The following SUMF1 variants were observed in gnomAD, a reference collection of about 807,000 sequenced individuals.
SUMF1 encodes the protein sulfatase modifying factor 1.
A neutral mutation model predicts 47.6 loss-of-function variants in SUMF1; 48 were observed. The observed-to-expected ratio is 1.01, with a 90% CI of 0.80 to 1.28. The LOEUF (loss-of-function observed/expected upper bound fraction) is 1.28. Among genes scored for constraint, SUMF1 ranks in the 50% most tolerant of loss-of-function variants. The pLI is 0.00. For missense variants in SUMF1, 571 were observed against 485.4 expected (o/e 1.18, Z -1.66); for synonymous variants, 230 against 192.1 (o/e 1.20, Z -1.63).
At chr3:4,330,756 T>A (rs1349502112) in intron 8 of SUMF1, among the ~76,000 whole-genome samples, 3 of 152,198 alleles carry the variant, frequency 2.0e-5, no homozygotes, top group Non-Finnish European at 4.4e-5. Context: ...CACAAAAATC[T>A]TTTTAAAAGA....
chr3:4,090,587 T>C (rs11918722), intron 8 of SUMF1, among the ~76,000 whole-genome samples: 22,883 of 152,096 alleles, frequency 0.15, 3,705 homozygotes, highest in African/African-American at 0.39. Flanking sequence ...GTACAGTGAA[T>C]ATACAGATGC....
At chr3:4,224,878 C>T (rs1220678335) in intron 8 of SUMF1, among the ~76,000 whole-genome samples, 1 of 152,080 alleles carries the variant, frequency 6.6e-6, no homozygotes, top group East Asian at 1.9e-4. Context: ...ATTCTCAAGT[C>T]CCTGATCCTA....
At chr3:4,276,342 G>C (rs1036320562) in intron 8 of SUMF1, among the ~76,000 whole-genome samples, 3 of 152,090 alleles carry the variant, frequency 2.0e-5, no homozygotes, top group African/African-American at 7.2e-5. Flanking sequence ...ATGTTTAACT[G>C]ATTTCTCAAA....
At chr3:4,273,117 T>TAC (rs906972791) in intron 8 of SUMF1, among the ~76,000 whole-genome samples, 10 of 148,900 alleles carry the variant, frequency 6.7e-5, no homozygotes, top group Admixed American at 1.4e-4. Context: ...CATATATATA[T>TAC]ACACACACAT....
chr3:4,281,604 C>T (rs1697530511), intron 8 of SUMF1, among the ~76,000 whole-genome samples: 1 of 151,910 alleles, frequency 6.6e-6, no homozygotes, highest in Non-Finnish European at 1.5e-5. Context: ...GAGATGTTTA[C>T]AGTTCAGGGA....
chr3:4,420,232 A>C, intron 3 of SUMF1, 86 bp from the exon 4 acceptor site: 81 of 985,284 alleles, frequency 8.2e-5, no homozygotes, highest in Non-Finnish European at 1.1e-4. Flanking sequence ...CAAAAATCTC[A>C]ATGTCTTCAA....
chr3:4,168,711 T>C (rs1318751043), intron 8 of SUMF1, among the ~76,000 whole-genome samples: 1 of 152,238 alleles, frequency 6.6e-6, no homozygotes, highest in Non-Finnish European at 1.5e-5. Context: ...AGTCATTTCA[T>C]ACTTTATCTC....
At chr3:4,155,913 C>T (rs1008189773) in intron 8 of SUMF1, among the ~76,000 whole-genome samples, 1 of 151,186 alleles carries the variant, frequency 6.6e-6, no homozygotes, top group African/African-American at 2.5e-5. Context: ...TAATCAAACA[C>T]CAAGCTAATC....
At chr3:4,072,668 C>T (rs974999680) in intron 8 of SUMF1, among the ~76,000 whole-genome samples, 3 of 151,996 alleles carry the variant, frequency 2.0e-5, no homozygotes, top group East Asian at 1.9e-4. Flanking sequence ...AAACACAGCA[C>T]GAGAACTTCA....
chr3:4,268,998 A>C (rs770410557), intron 8 of SUMF1, among the ~76,000 whole-genome samples: 1 of 152,140 alleles, frequency 6.6e-6, no homozygotes, highest in African/African-American at 2.4e-5. Flanking sequence ...GGTCTTAAAC[A>C]TATTTTTAAG....
intron 8 of SUMF1, chr3:4,304,009 A>G: frequency 2.6e-6 from 1 of 390,814 alleles, no homozygotes. Flanking sequence ...TCAGCCTTAG[A>G]GTCTTCCAGC....
At chr3:4,276,284 G>T (rs1473911329) in intron 8 of SUMF1, among the ~76,000 whole-genome samples, 2 of 152,128 alleles carry the variant, frequency 1.3e-5, no homozygotes, top group African/African-American at 4.8e-5. Context: ...AGCACATTAT[G>T]AATATGCATG....
intron 8 of SUMF1, among the ~76,000 whole-genome samples, chr3:4,094,929 G>C: frequency 6.6e-6 from 1 of 152,038 alleles, no homozygotes; most frequent in East Asian, 1.9e-4. Context: ...ACTTTGAGGA[G>C]GCATCTCATG....
At chr3:4,054,244 T>C (rs912760216) in intron 9 of SUMF1, among the ~76,000 whole-genome samples, 1 of 152,074 alleles carries the variant, frequency 6.6e-6, no homozygotes, top group Non-Finnish European at 1.5e-5. Flanking sequence ...AACACAAAGC[T>C]CTAGTATGGC....
intron 1 of SUMF1, among the ~76,000 whole-genome samples, chr3:4,460,004 G>A (rs956688603): frequency 1.3e-5 from 2 of 152,048 alleles, no homozygotes; most frequent in African/African-American, 2.4e-5. Flanking sequence ...CAATAAAATG[G>A]AAAATTAAGC....
At chr3:4,211,690 T>C (rs962066471) in intron 8 of SUMF1, among the ~76,000 whole-genome samples, 1 of 152,136 alleles carries the variant, frequency 6.6e-6, no homozygotes, top group Non-Finnish European at 1.5e-5. Context: ...ATTGGTACTA[T>C]AAGGTAAAAC....
At chr3:4,194,859 G>A (rs1695395065) in intron 8 of SUMF1, among the ~76,000 whole-genome samples, 1 of 152,120 alleles carries the variant, frequency 6.6e-6, no homozygotes, top group African/African-American at 2.4e-5. Context: ...ATGACCCCTT[G>A]AAGATAAGCT....
At chr3:4,308,456 C>T (rs1270722691) in intron 8 of SUMF1, among the ~76,000 whole-genome samples, 1 of 152,182 alleles carries the variant, frequency 6.6e-6, no homozygotes, top group Admixed American at 6.5e-5. Context: ...TTAAATATAA[C>T]ATCTAAAAGT....
At chr3:4,214,816 G>A (rs1172563007) in intron 8 of SUMF1, among the ~76,000 whole-genome samples, 2 of 151,960 alleles carry the variant, frequency 1.3e-5, no homozygotes, top group Non-Finnish European at 2.9e-5. Context: ...TAAATTCCTG[G>A]ACACATACAC....
Sources: gnomAD v4.1 joint callset for allele counts (sites outside exome capture counted in the v4.1 genomes callset) on GRCh38, gnomAD v4.1.1 for gene constraint, MANE v1.5 for transcripts, NCBI Gene and HGNC (gene_info 2026-07-23, HGNC 2026-07-21) for gene names.